AKR7A2: variants seen among roughly 807,000 people sequenced by gnomAD.
AKR7A2 encodes the protein aldo-keto reductase family 7 member A2, also known as aflatoxin B1 aldehyde reductase member 2.
In AKR7A2, 29 loss-of-function variants were observed where a neutral mutation model predicts 37.3. The observed-to-expected ratio is 0.78, with a 90% CI of 0.58 to 1.06. The LOEUF (loss-of-function observed/expected upper bound fraction) is 1.06. Ranked by LOEUF, AKR7A2 falls within the 50% of genes least tolerant of loss-of-function variation. The probability of loss-of-function intolerance (pLI) is 0.00; values close to 1 mark genes in which losing one functional copy is unlikely to be tolerated. For synonymous variants in AKR7A2, 228 were observed against 217.8 expected, an observed-to-expected ratio of 1.05 and a Z score of -0.41; for missense variants, 529 against 497.9, an observed-to-expected ratio of 1.06 and a Z score of -0.59.
In AKR7A2 at chr1:19,304,052, C is replaced by G. The variant is rs145371999; in HGVS notation, c.*173G>C. The G allele has an allele frequency of 2.3e-5, 25 of 1,101,320 alleles. No homozygotes were observed. Among genetic ancestry groups the G allele is most frequent in the African/African-American group, 7.8e-5 (5 of 63,914 alleles). The allele number at this position is 1,101,320 out of a possible 1,614,324, so 68.2% of individuals were successfully genotyped here. ...AAGCGCTCAAGTGGGACTCACCCCC[C>G]ACCTTTCACAGTGTAAAGTGAATAG... is the stretch of plus-strand genomic sequence containing the variant. On this transcript the variant is annotated 3_prime_UTR_variant, in exon 7 of 7. Transcript: ENST00000235835.
chr1:19,307,197 G>A lies in AKR7A2; in HGVS notation c.689-96C>T. ...GTCTAGGGGAGGGGCAGGGACCCAG[G>A]AGGGGCTGAAGAACACAGCCCAGCC... On this transcript the variant is annotated intron_variant, in intron 4 of 6. Transcript: ENST00000235835. 1.9e-6 allele frequency: 3 copies of A among 1,594,482 alleles called. No homozygotes were observed. In the South Asian group the frequency reaches 3.3e-5, roughly 18 times the overall value.
At chr1:19,309,725 G>A (rs2093768827) in intron 1 of AKR7A2, among the ~76,000 whole-genome samples, 1 of 152,046 alleles carries the variant, frequency 6.6e-6, no homozygotes, top group Admixed American at 6.6e-5. Flanking sequence ...AAGAGTTTGA[G>A]ATAATCCTGG....
At position 19,306,988 on chromosome 1, in the gene AKR7A2, C is replaced by G; in HGVS notation, c.788+14G>C. 6.2e-7 allele frequency: 1 copy of G among 1,613,420 alleles called. No individual in the cohort carries two copies. Among genetic ancestry groups the G allele is most frequent in the South Asian group, 1.1e-5 (1 of 91,062 alleles). Reference sequence around the variant, plus strand: ...CCACCCCAGCCATCCTCACCAAGCCCACCCCCGGCTCACCGATTCCTGTAG... The same window carrying G: ...CCACCCCAGCCATCCTCACCAAGCCGACCCCCGGCTCACCGATTCCTGTAG... On this transcript the variant is annotated intron_variant, in intron 5 of 6. Coordinates refer to ENST00000235835, the MANE Select transcript of AKR7A2 (RefSeq NM_003689.4).
Position 19,308,289 on chromosome 1 carries a change from C to A in AKR7A2, c.487-27G>T, listed in dbSNP as rs859209. 32 of 1,614,024 alleles carry A rather than the reference C, an allele frequency of 2.0e-5. No individual in the cohort carries two copies. The Admixed American group carries it at 4.8e-4, about 24-fold the overall frequency. On this transcript the variant is annotated intron_variant, in intron 2 of 6. Coordinates refer to ENST00000235835, the MANE Select transcript of AKR7A2 (RefSeq NM_003689.4). ...TGCATGGGTGAGGCTCCAGTCAGAA[C>A]GCAGTGTAGCCCAGACCAGGAAGGG... is the stretch of plus-strand genomic sequence containing the variant.
rs181897161 is a variant in AKR7A2, at chr1:19,310,377, C to T, written c.298+1450G>A. On this transcript the variant is annotated intron_variant, in intron 1 of 6. Coordinates refer to ENST00000235835, the MANE Select transcript of AKR7A2 (RefSeq NM_003689.4). Reference sequence around the variant, plus strand: ...GGAAGGGTTAGAGAAGAAAAACCAACTCAGGAACAAAATCTTCATTATTAA... The same window carrying T: ...GGAAGGGTTAGAGAAGAAAAACCAATTCAGGAACAAAATCTTCATTATTAA... Among the ~76,000 whole-genome samples the T allele has an allele frequency of 1.5e-3, 231 of 152,246 alleles. 5 individuals carry two copies. The highest frequency in any genetic ancestry group is 0.015 in the Admixed American group (228 of 15,304).
downstream of AKR7A2, among the ~76,000 whole-genome samples, chr1:19,303,472 C>T (rs2093755701): frequency 6.6e-6 from 1 of 152,046 alleles, no homozygotes; most frequent in Non-Finnish European, 1.5e-5. Context: ...GTAGGGGTTT[C>T]CAAGGGAAAT....
chr1:19,308,741 T>C, intron 1 of AKR7A2, 99 bp from the exon 2 acceptor site: 1 of 1,207,262 alleles, frequency 8.3e-7, no homozygotes, highest in Non-Finnish European at 1.2e-6. Context: ...CTCAATTGTA[T>C]GATCTGTAAA....
rs777070717 is a variant in AKR7A2, at chr1:19,307,375, C to T, written c.627G>A (p.Thr209=). 11 of 1,613,940 alleles carry T rather than the reference C, an allele frequency of 6.8e-6. No individual in the cohort carries two copies. The highest frequency in any genetic ancestry group is 1.7e-5 in the Admixed American group (1 of 59,998). Residue 209 remains threonine (T), a synonymous_variant, in exon 4 of 7, where the codon ACG becomes ACA. Transcript: ENST00000235835. Reference sequence around the variant, plus strand: ...AGTGCCTGAGGCAGGGGAAGAGCTCCGTTTCCACCTGCCGGGTGGTGGCGT... The same window carrying T: ...AGTGCCTGAGGCAGGGGAAGAGCTCTGTTTCCACCTGCCGGGTGGTGGCGT... The part of the protein sequence containing the change: ...MYNATTRQVE[T]ELFPCLRHFG...
Position 19,308,497 on chromosome 1 carries a change from C to A in AKR7A2, c.444G>T (p.Pro148=). Residue 148 remains proline (P), a synonymous_variant, in exon 2 of 7, where the codon CCG becomes CCT. Transcript: ENST00000235835. The part of the protein sequence containing the change: ...FYLHAPDHGT[P]VEETLHACQR... ...GGCAGGCATGCAGCGTCTCTTCCAC[C>A]GGGGTGCCGTGGTCAGGTGCGTGTA... is the stretch of plus-strand genomic sequence containing the variant. The A allele has an allele frequency of 6.2e-7, 1 of 1,614,162 alleles. No individual in the cohort carries two copies. The highest frequency in any genetic ancestry group is 8.5e-7 in the Non-Finnish European group (1 of 1,180,026).
At chr1:19,307,281 A>G in intron 4 of AKR7A2, 33 bp downstream of exon 4, 1 of 1,612,244 alleles carries the variant, frequency 6.2e-7, no homozygotes, top group African/African-American at 1.3e-5. Context: ...GGTCAGGAAT[A>G]GGCTGAGACA....
Position 19,308,053 on chromosome 1 carries a change from G to A in AKR7A2, c.591+105C>T, listed in dbSNP as rs763084080. 5.6e-6 allele frequency: 8 copies of A among 1,421,838 alleles called. No individual in the cohort carries two copies. In the Admixed American group the frequency reaches 1.0e-4, roughly 18 times the overall value. The allele number at this position is 1,421,838 out of a possible 1,614,324, so 88.1% of individuals were successfully genotyped here. ...AGCCATCTGCAGGCTTTCAGCAGGGGAGTGGCTGCTATGCAGACGGCACAG... is the reference window on the plus strand; with the variant it reads ...AGCCATCTGCAGGCTTTCAGCAGGGAAGTGGCTGCTATGCAGACGGCACAG... On this transcript the variant is annotated intron_variant, in intron 3 of 6. Transcript: ENST00000235835.
rs945307863 is a variant in AKR7A2, at chr1:19,312,102, A to C, written c.23T>G (p.Val8Gly). 7.5e-7 allele frequency: 1 copy of C among 1,328,280 alleles called. No homozygotes were observed. Among genetic ancestry groups the C allele is most frequent in the Non-Finnish European group, 9.5e-7 (1 of 1,048,938 alleles). The allele number at this position is 1,328,280 out of a possible 1,614,324, so 82.3% of individuals were successfully genotyped here. A position where few individuals can be genotyped will look rare whatever the true frequency, so the allele number is the denominator to read the frequency against. ...GCAGTGGACGGCGGCGCGGGAGACT[A>C]CGCGAGACGCGGCACTCAGCATAGC... MLSAASR[V>G]VSRAAVHCAL... The change falls in exon 1 of 7, where the codon GTA (valine) becomes GGA (glycine). Residue 8 changes from valine to glycine, a missense_variant. Val to Gly is a moderately radical substitution (Grantham distance 109). Coordinates refer to ENST00000235835, the MANE Select transcript of AKR7A2 (RefSeq NM_003689.4).
chr1:19,304,348 G>A lies in AKR7A2; in HGVS notation c.957C>T (p.Ser319=), dbSNP rs779576937. 19 of 1,614,130 alleles carry A rather than the reference G, an allele frequency of 1.2e-5. No individual in the cohort carries two copies. The highest frequency in any genetic ancestry group is 1.5e-5 in the Non-Finnish European group (18 of 1,180,030). ...HGDAVILGMS[S]LEQLEQNLAA... ...CCAAGTTCTGCTCCAGCTGCTCCAG[G>A]CTGGACATGCCCAGGATGACCGCGT... is the stretch of plus-strand genomic sequence containing the variant. The change falls in exon 7 of 7, where the codon AGC becomes AGT. Residue 319 remains serine, a synonymous_variant. Transcript: ENST00000235835.
At chr1:19,302,801 C>G (rs2093754902), downstream of AKR7A2, among the ~76,000 whole-genome samples, 1 of 151,892 alleles carries the variant, frequency 6.6e-6, no homozygotes, top group African/African-American at 2.4e-5. Flanking sequence ...GGCGATCCTC[C>G]CACCTCAGCC....
chr1:19,303,517 G>C (rs1358697629), downstream of AKR7A2, among the ~76,000 whole-genome samples: 1 of 152,110 alleles, frequency 6.6e-6, no homozygotes, highest in Admixed American at 6.5e-5. Context: ...TCCCCATGCC[G>C]AACAGGAGGC....
intron 5 of AKR7A2, among the ~76,000 whole-genome samples, chr1:19,306,775 G>A (rs2093762276): frequency 6.6e-6 from 1 of 152,108 alleles, no homozygotes; most frequent in Non-Finnish European, 1.5e-5. Flanking sequence ...GATTGCTCAG[G>A]AACGAGCTAT....
chr1:19,310,950 T>TC (rs1407746593), intron 1 of AKR7A2, among the ~76,000 whole-genome samples: 1 of 152,092 alleles, frequency 6.6e-6, no homozygotes, highest in East Asian at 1.9e-4. Flanking sequence ...CGAGGGACAG[T>TC]CCCCTCCATC....
chr1:19,307,183 G>C, intron 4 of AKR7A2, 82 bp from the exon 5 acceptor site: 1 of 1,592,470 alleles, frequency 6.3e-7, no homozygotes, highest in Non-Finnish European at 8.6e-7. Flanking sequence ...TCTAGGGGAG[G>C]GGCAGGGACC....
At chr1:19,306,932 G>T in intron 5 of AKR7A2, 70 bp downstream of exon 5, 2 of 1,370,620 alleles carry the variant, frequency 1.5e-6, no homozygotes, top group Non-Finnish European at 2.1e-6. Flanking sequence ...CTCAGGAACA[G>T]CCCAGGACTT....
Sources: allele counts gnomAD v4.1 joint callset (sites outside exome capture counted in the v4.1 genomes callset), GRCh38; gene constraint gnomAD v4.1.1; transcripts MANE v1.5; gene names NCBI Gene and HGNC (gene_info 2026-07-23, HGNC 2026-07-21).